The following HMCN1 variants were observed in gnomAD, a reference collection of about 807,000 sequenced individuals.
The protein encoded by HMCN1 is hemicentin-1.
HMCN1 carries 321 observed loss-of-function variants against 625.9 expected under a neutral mutation model. The observed-to-expected ratio is 0.51, with a 90% CI of 0.47 to 0.56. HMCN1 has a LOEUF of 0.56. Among genes scored for constraint, HMCN1 ranks in the 20% least tolerant of loss-of-function variants. The pLI is 0.00. For missense variants in HMCN1, 6,588 were observed against 6,887.3 expected (o/e 0.96, Z 1.54); for synonymous variants, 2,425 against 2,417.6 (o/e 1.00, Z -0.09).
In HMCN1 at chr1:186,038,918, G is replaced by C; in HGVS notation, c.5941G>C (p.Ala1981Pro). ...AGGACAGATCATTGATATTGAAAGT[G>C]CCCAGATCTCAGATGCTGGCATATA... Reference protein sequence around the residue: ...NRGQIIDIESAQISDAGIYKC... With the variant: ...NRGQIIDIESPQISDAGIYKC... The change falls in exon 38 of 107, where the codon GCC becomes CCC. Residue 1981 changes from alanine (A) to proline (P), a missense_variant. By Grantham distance (27) the Ala-to-Pro change is conservative (BLOSUM62 -1). Around this residue, in one of 3 missense-constraint regions of HMCN1, gnomAD observed 4,628 missense variants for 4,853.1 expected, o/e 0.95. Coordinates refer to ENST00000271588, the MANE Select transcript of HMCN1 (RefSeq NM_031935.3). The C allele has an allele frequency of 6.2e-7, 1 of 1,606,306 alleles. No individual in the cohort carries two copies. The highest frequency in any genetic ancestry group is 2.2e-5 in the East Asian group (1 of 44,792).
intron 64 of HMCN1, among the ~76,000 whole-genome samples, chr1:186,092,077 T>C (rs1659874922): frequency 6.6e-6 from 1 of 151,988 alleles, no homozygotes; most frequent in East Asian, 1.9e-4. Flanking sequence ...AGATCTTTTA[T>C]ATATGATATC....
intron 1 of HMCN1, among the ~76,000 whole-genome samples, chr1:185,757,853 T>C (rs1218374732): frequency 6.6e-6 from 1 of 152,184 alleles, no homozygotes; most frequent in Non-Finnish European, 1.5e-5. Context: ...GTCCCCAGTG[T>C]ATTTAATTTC....
intron 44 of HMCN1, 116 bp from the exon 45 acceptor site, chr1:186,055,277 A>T: frequency 1.1e-6 from 1 of 948,600 alleles, no homozygotes; most frequent in Non-Finnish European, 1.6e-6. Context: ...TCTTTTCTTT[A>T]GTTATTTATA....
chr1:186,142,153 T>C (rs904112944), intron 89 of HMCN1, among the ~76,000 whole-genome samples: 1 of 152,140 alleles, frequency 6.6e-6, no homozygotes, highest in East Asian at 1.9e-4. Context: ...TCTTCCTCCT[T>C]CCACCCTCCT....
At chr1:185,772,144 C>T (rs1163210139) in intron 1 of HMCN1, among the ~76,000 whole-genome samples, 1 of 152,034 alleles carries the variant, frequency 6.6e-6, no homozygotes, top group African/African-American at 2.4e-5. Context: ...AGCAAGGTGG[C>T]TGGAGTTGGA....
intron 86 of HMCN1, among the ~76,000 whole-genome samples, chr1:186,133,652 G>T (rs1032627080): frequency 3.3e-5 from 5 of 152,126 alleles, no homozygotes; most frequent in African/African-American, 1.2e-4. Flanking sequence ...CTCTAGATTA[G>T]TTAGCTGTTT....
chr1:185,919,260 C>A (rs1666884406), intron 6 of HMCN1, among the ~76,000 whole-genome samples: 1 of 152,002 alleles, frequency 6.6e-6, no homozygotes, highest in African/African-American at 2.4e-5. Flanking sequence ...TCCTCTAACC[C>A]CATCAGGTTC....
chr1:185,982,253 T>C lies in HMCN1; in HGVS notation c.2663-9T>C, dbSNP rs1651693944. The C allele has an allele frequency of 1.2e-6, 2 of 1,613,766 alleles. No homozygotes were observed. The highest frequency in any genetic ancestry group is 1.7e-6 in the Non-Finnish European group (2 of 1,179,802). ...GAGTTGAAAGTGCCTGTGCTCTCTC[T>C]TGATTTAGTTGCTCCACTTATTGGA... On this transcript the variant is annotated splice_polypyrimidine_tract_variant and intron_variant, in intron 17 of 106. Coordinates refer to ENST00000271588, the MANE Select transcript of HMCN1 (RefSeq NM_031935.3).
At chr1:186,047,565 T>G (rs1475986827) in intron 41 of HMCN1, among the ~76,000 whole-genome samples, 5 of 152,144 alleles carry the variant, frequency 3.3e-5, no homozygotes, top group Non-Finnish European at 5.9e-5. Context: ...CATTTTGTTT[T>G]GCCTGGTACA....
chr1:185,867,834 G>C (rs1032475789), intron 4 of HMCN1, among the ~76,000 whole-genome samples: 2 of 152,164 alleles, frequency 1.3e-5, no homozygotes, highest in East Asian at 1.9e-4. Context: ...ACTTTGGGAG[G>C]CCGCAGCAGG....
In HMCN1 at chr1:185,849,082, T is replaced by C. The variant is rs556365382; in HGVS notation, c.339+2986T>C. On this transcript the variant is annotated intron_variant, in intron 2 of 106. Transcript: ENST00000271588. ...CCCACACCTCATCAAATTCTTCCTATGGTTCTGGGTTCTGAGTGATCTAAG... is the reference window on the plus strand; with the variant it reads ...CCCACACCTCATCAAATTCTTCCTACGGTTCTGGGTTCTGAGTGATCTAAG... Among the ~76,000 whole-genome samples the C allele has an allele frequency of 1.2e-4, 19 of 152,238 alleles. 1 individual carries two copies. The South Asian group carries it at 3.9e-3, about 32-fold the overall frequency.
rs775821920 is a variant in HMCN1 at position 185,970,433 on chromosome 1, A to T, written c.2311A>T (p.Thr771Ser). The change falls in exon 15 of 107, where the codon ACC (threonine) becomes TCC (serine). Residue 771 changes from threonine to serine, a missense_variant. Transcript: ENST00000271588. ...ACAAGATCTGGATGCTGGCGATTAT[A>T]CCTGTGTAGCCATCAATGAGGCTGG... ...ETQDLDAGDY[T>S]CVAINEAGRA... is the part of the protein sequence containing the mutation. 3 of 1,613,722 alleles carry T rather than the reference A, an allele frequency of 1.9e-6. No individual in the cohort carries two copies. The highest frequency in any genetic ancestry group is 2.5e-6 in the Non-Finnish European group (3 of 1,179,638).
At chr1:185,859,335 T>A (rs970245484) in intron 2 of HMCN1, among the ~76,000 whole-genome samples, 1 of 152,168 alleles carries the variant, frequency 6.6e-6, no homozygotes, top group African/African-American at 2.4e-5. Context: ...AAATTAAGTC[T>A]ACATAAGTCA....
chr1:185,962,477 T>G (rs1650093789), intron 11 of HMCN1, 41 bp from the exon 12 acceptor site: 1 of 1,573,192 alleles, frequency 6.4e-7, no homozygotes, highest in Non-Finnish European at 8.7e-7. Flanking sequence ...AACATCAAGA[T>G]AAATTGGCAT....
At chr1:186,137,019 A>G in intron 87 of HMCN1, 82 bp downstream of exon 87, 2 of 1,489,740 alleles carry the variant, frequency 1.3e-6, no homozygotes, top group Admixed American at 3.3e-5. Context: ...ACTTTAGTCC[A>G]AGTCTCCTGT....
intron 73 of HMCN1, 33 bp from the exon 74 acceptor site, chr1:186,114,786 T>C (rs770759436): frequency 6.2e-7 from 1 of 1,613,582 alleles, no homozygotes; most frequent in South Asian, 1.1e-5. Flanking sequence ...AAAAGGCTGA[T>C]TCAGAAGACT....
intron 4 of HMCN1, among the ~76,000 whole-genome samples, chr1:185,896,075 A>G (rs2102422918): frequency 6.6e-6 from 1 of 151,938 alleles, no homozygotes; most frequent in Admixed American, 6.6e-5. Context: ...AGCTGGGACT[A>G]CAGGCGCCCG....
chr1:185,776,038 GT>G (rs1656581552), intron 1 of HMCN1, among the ~76,000 whole-genome samples: 1 of 152,138 alleles, frequency 6.6e-6, no homozygotes, highest in African/African-American at 2.4e-5. Flanking sequence ...GTCTGAGTTT[GT>G]TTTTATATGT....
At chr1:186,005,779 C>T (rs1173671227) in intron 29 of HMCN1, among the ~76,000 whole-genome samples, 2 of 152,086 alleles carry the variant, frequency 1.3e-5, no homozygotes, top group Non-Finnish European at 2.9e-5. Flanking sequence ...GCACAATTGA[C>T]AATCAATAAA....
Sources: gnomAD v4.1 joint callset for allele counts (sites outside exome capture counted in the v4.1 genomes callset) on GRCh38, gnomAD v4.1.1 for gene constraint, gnomAD v4.1.1 regional missense constraint, MANE v1.5 for transcripts, NCBI Gene and HGNC (gene_info 2026-07-23, HGNC 2026-07-21) for gene names.